The following ARID4B variants were observed in gnomAD, a reference collection of about 807,000 sequenced individuals.
ARID4B encodes AT-rich interaction domain 4B.
In ARID4B, 26 loss-of-function variants were observed where a neutral mutation model predicts 147.5. The ratio of observed to expected loss-of-function variants is 0.18; its 90% confidence interval spans 0.13 to 0.24. The LOEUF (loss-of-function observed/expected upper bound fraction) is 0.24. ARID4B is among the 10% of genes least tolerant of loss of function. ARID4B has a pLI of 1.00. For missense variants in ARID4B, 1,179 were observed against 1,511.5 expected, an observed-to-expected ratio of 0.78 and a Z score of 3.65; for synonymous variants, 512 against 507.9, an observed-to-expected ratio of 1.01 and a Z score of -0.11.
chr1:235,319,999 T>G (rs1674710324), intron 2 of ARID4B, among the ~76,000 whole-genome samples: 1 of 152,080 alleles, frequency 6.6e-6, no homozygotes, highest in Admixed American at 6.6e-5. Context: ...TGGTGGCACA[T>G]GCCTGTAGTC....
intron 10 of ARID4B, among the ~76,000 whole-genome samples, 166 bp from the exon 11 acceptor site, chr1:235,229,551 T>C (rs1413796646): frequency 6.6e-6 from 1 of 152,244 alleles, no homozygotes; most frequent in Non-Finnish European, 1.5e-5. Flanking sequence ...TGTAGCAATA[T>C]ATTTAATCCT....
At chr1:235,292,962 C>T (rs896436571) in intron 2 of ARID4B, among the ~76,000 whole-genome samples, 3 of 152,162 alleles carry the variant, frequency 2.0e-5, no homozygotes, top group African/African-American at 7.2e-5. Flanking sequence ...CAAATGAATA[C>T]GTAGATAGCT....
In ARID4B at chr1:235,305,687, G is replaced by A. The variant is rs532264106; in HGVS notation, c.6+21227C>T. ...TTAAAATTTTAAATGGGCCAGGCAC[G>A]GGGACTCACGCCTATAATCCCAGCA... On this transcript the variant is annotated intron_variant, in intron 2 of 23. Coordinates refer to ENST00000264183, the MANE Select transcript of ARID4B (RefSeq NM_016374.6). 1.8e-3 allele frequency among the ~76,000 whole-genome samples: 274 copies of A among 152,166 alleles called. 1 individual carries two copies. The highest frequency in any genetic ancestry group is 3.9e-3 in the South Asian group (19 of 4,816).
At chr1:235,228,689 A>T (rs948047447) in intron 11 of ARID4B, 1 of 138,932 alleles carries the variant, frequency 7.2e-6, no homozygotes, top group Non-Finnish European at 1.5e-5. Context: ...TCTGTCGCCC[A>T]GGCTGGAGTG....
intron 3 of ARID4B, among the ~76,000 whole-genome samples, chr1:235,259,410 C>T (rs1480582669): frequency 4.6e-5 from 7 of 152,234 alleles, no homozygotes; most frequent in Non-Finnish European, 8.8e-5. Flanking sequence ...GCATGCCAAG[C>T]GCTGCTAAGA....
At chr1:235,319,471 AC>A in intron 2 of ARID4B, among the ~76,000 whole-genome samples, 1 of 152,228 alleles carries the variant, frequency 6.6e-6, no homozygotes, top group East Asian at 1.9e-4. Context: ...TGATTGCGCC[AC>A]TACACTCCTG....
At chr1:235,251,712 A>T (rs1669657343) in intron 6 of ARID4B, among the ~76,000 whole-genome samples, 1 of 152,092 alleles carries the variant, frequency 6.6e-6, no homozygotes, top group Admixed American at 6.5e-5. Flanking sequence ...ATATTAAAAT[A>T]TCCCCAAAGA....
chr1:235,181,206 C>T lies in ARID4B; in HGVS notation c.3334+379G>A, dbSNP rs957595882. 8.9e-6 allele frequency: 8 copies of T among 903,656 alleles called. No individual in the cohort carries two copies. In the African/African-American group the frequency reaches 8.9e-5, roughly 10 times the overall value. The allele number at this position is 903,656 out of a possible 1,614,324, so 56.0% of individuals were successfully genotyped here. ...GGGTCTGTCAATAAATCAAAATGTT[C>T]GTGAGAAACTGCACATTACAATTGC... On this transcript the variant is annotated intron_variant, in intron 20 of 23. Coordinates refer to ENST00000264183, the MANE Select transcript of ARID4B (RefSeq NM_016374.6).
Position 235,314,221 on chromosome 1 carries a change from T to C in ARID4B, c.6+12693A>G, listed in dbSNP as rs568102083. Among the ~76,000 whole-genome samples, 5 of 152,194 alleles carry C rather than the reference T, an allele frequency of 3.3e-5. No individual in the cohort carries two copies. In the East Asian group the frequency reaches 9.7e-4, roughly 29 times the overall value. ...TCCCAAACAGTCTTGATTAAAAGAA[T>C]CCTCACTCTATCAGCTTATTTAAAA... On this transcript the variant is annotated intron_variant, in intron 2 of 23. Coordinates refer to ENST00000264183, the MANE Select transcript of ARID4B (RefSeq NM_016374.6).
chr1:235,236,184 T>C (rs772074085), intron 8 of ARID4B, among the ~76,000 whole-genome samples: 3 of 152,152 alleles, frequency 2.0e-5, no homozygotes, highest in Non-Finnish European at 4.4e-5. Context: ...ATTTGTGCGA[T>C]TATATCAAGA....
intron 2 of ARID4B, among the ~76,000 whole-genome samples, chr1:235,271,406 G>A (rs1413041492): frequency 6.6e-6 from 1 of 151,940 alleles, no homozygotes; most frequent in Non-Finnish European, 1.5e-5. Context: ...GAGACAGGCG[G>A]ATCATCTGCA....
intron 18 of ARID4B, among the ~76,000 whole-genome samples, chr1:235,195,258 T>G (rs1165897994): frequency 6.6e-6 from 1 of 152,140 alleles, no homozygotes; most frequent in Non-Finnish European, 1.5e-5. Context: ...ATTTTCCATA[T>G]GAGCTCCTAA....
chr1:235,282,873 C>T (rs866973122), intron 2 of ARID4B, among the ~76,000 whole-genome samples: 2 of 152,116 alleles, frequency 1.3e-5, no homozygotes, highest in African/African-American at 2.4e-5. Flanking sequence ...CTCCGCCTAC[C>T]GGGTTCACGC....
intron 2 of ARID4B, among the ~76,000 whole-genome samples, chr1:235,261,479 G>A (rs1020272940): frequency 6.6e-6 from 1 of 152,166 alleles, no homozygotes; most frequent in African/African-American, 2.4e-5. Flanking sequence ...AAAAGTGATC[G>A]TGCCACTGAA....
intron 19 of ARID4B, among the ~76,000 whole-genome samples, chr1:235,184,685 C>A (rs1029205773): frequency 7.9e-5 from 12 of 152,120 alleles, no homozygotes; most frequent in African/African-American, 2.4e-4. Flanking sequence ...AATACATATA[C>A]ATCATTAAAA....
At chr1:235,265,705 AAG>A (rs1225910929) in intron 2 of ARID4B, among the ~76,000 whole-genome samples, 1 of 152,052 alleles carries the variant, frequency 6.6e-6, no homozygotes, top group Non-Finnish European at 1.5e-5. Flanking sequence ...TCAAAAAAAA[AAG>A]AAAAGAAAAA....
rs1445616850 is a variant in ARID4B at position 235,175,496 on chromosome 1, C to T, written c.3449-97G>A. 4 of 1,022,230 alleles carry T rather than the reference C, an allele frequency of 3.9e-6. No homozygotes were observed. In the Admixed American group the frequency reaches 9.1e-5, roughly 23 times the overall value. 63.3% of individuals were successfully genotyped at this position (1,022,230 alleles called of 1,614,324 possible). ...TTAAAATTAGCCATTTGAATTTAGT[C>T]CTACAGAAAACAACCTGCCTAGAAA... On this transcript the variant is annotated intron_variant, in intron 21 of 23. Transcript: ENST00000264183.
At chr1:235,179,431 G>A (rs917070979) in intron 20 of ARID4B, among the ~76,000 whole-genome samples, 1 of 142,662 alleles carries the variant, frequency 7.0e-6, no homozygotes, top group Admixed American at 7.7e-5. Flanking sequence ...GCTGAGGCAG[G>A]AGAATCTCTT....
intron 18 of ARID4B, among the ~76,000 whole-genome samples, chr1:235,194,583 G>A (rs1665358614): frequency 1.3e-5 from 2 of 152,228 alleles, no homozygotes; most frequent in South Asian, 4.2e-4. Context: ...CACTTTGGGA[G>A]GCCGCGGCAG....
Sources: gnomAD v4.1 joint callset for allele counts (sites outside exome capture counted in the v4.1 genomes callset) on GRCh38, gnomAD v4.1.1 for gene constraint, MANE v1.5 for transcripts, NCBI Gene and HGNC (gene_info 2026-07-23, HGNC 2026-07-21) for gene names.